The following IQCM variants were observed in gnomAD, a reference collection of about 807,000 sequenced individuals.
The protein encoded by IQCM is IQ motif containing M.
A neutral mutation model predicts 57.6 loss-of-function variants in IQCM; 45 were observed. The ratio of observed to expected loss-of-function variants is 0.78; its 90% confidence interval spans 0.62 to 1.00. The LOEUF (loss-of-function observed/expected upper bound fraction) is 1.00. Among genes scored for constraint, IQCM ranks in the 50% least tolerant of loss-of-function variants. The pLI, the probability that IQCM is intolerant of heterozygous loss-of-function variation, is 0.00. For missense variants in IQCM, 468 were observed against 511.6 expected (o/e 0.91, Z 0.82); for synonymous variants, 148 against 158.9 (o/e 0.93, Z 0.51).
chr4:149,468,248 G>C (rs1251348473), intron 12 of IQCM, among the ~76,000 whole-genome samples: 1 of 152,140 alleles, frequency 6.6e-6, no homozygotes, highest in Non-Finnish European at 1.5e-5. Flanking sequence ...ATGACCAACA[G>C]TACCTGGAAA....
rs1121797 is a variant in IQCM, at chr4:149,796,098, G to A, written c.-49+19213C>T. Among the ~76,000 whole-genome samples the A allele has an allele frequency of 1.2e-4, 18 of 152,276 alleles. No individual in the cohort carries two copies. The South Asian group carries it at 2.1e-3, about 18-fold the overall frequency. ...TTTGGCCACAAGGGTAGAGTACCAAGTGGGGCCATGAGGTATCCAATTCCA... is the reference window on the plus strand; with the variant it reads ...TTTGGCCACAAGGGTAGAGTACCAAATGGGGCCATGAGGTATCCAATTCCA... On this transcript the variant is annotated intron_variant, in intron 2 of 13. Transcript: ENST00000636793.
At chr4:149,640,977 A>C (rs1489732830) in intron 7 of IQCM, among the ~76,000 whole-genome samples, 10 of 152,118 alleles carry the variant, frequency 6.6e-5, no homozygotes, top group Non-Finnish European at 4.4e-5. Context: ...CAAAAATACA[A>C]AAATTAGCCG....
chr4:149,364,368 C>G (rs534842178), intron 13 of IQCM, among the ~76,000 whole-genome samples: 2 of 152,278 alleles, frequency 1.3e-5, no homozygotes, highest in Admixed American at 1.3e-4. Flanking sequence ...ATAAGGAGAG[C>G]TACTGATACT....
intron 13 of IQCM, among the ~76,000 whole-genome samples, chr4:149,417,627 A>G (rs1199749149): frequency 6.6e-6 from 1 of 152,126 alleles, no homozygotes; most frequent in Admixed American, 6.6e-5. Flanking sequence ...ACAGATTGGT[A>G]TATAAAACCA....
rs529972930 is a variant in IQCM at position 149,629,531 on chromosome 4, C to T, written c.566-8287G>A. 2.8e-3 allele frequency among the ~76,000 whole-genome samples: 423 copies of T among 151,986 alleles called. 1 individual carries two copies. The highest frequency in any genetic ancestry group is 4.6e-3 in the Non-Finnish European group (313 of 67,990). The stretch of plus-strand genomic sequence containing the variant: ...CTCTTCCTTATATCATGGGAACAGC[C>T]TCTGGGTGTTCCTATAAAGCTAGGT... On this transcript the variant is annotated intron_variant, in intron 7 of 13. Coordinates refer to ENST00000636793, the MANE Select transcript of IQCM (RefSeq NM_001363507.2).
At chr4:149,528,093 C>G (rs1253748443) in intron 12 of IQCM, among the ~76,000 whole-genome samples, 1 of 151,624 alleles carries the variant, frequency 6.6e-6, no homozygotes, top group East Asian at 2.0e-4. Flanking sequence ...TCAAGTGATT[C>G]TCGTGCCGCA....
At chr4:149,797,618 T>C (rs76274831) in intron 2 of IQCM, among the ~76,000 whole-genome samples, 290 of 151,920 alleles carry the variant, frequency 1.9e-3, no homozygotes, top group Middle Eastern at 6.8e-3. Context: ...AGAAGACTAC[T>C]TCAAGGCATT....
At chr4:149,803,914 T>C (rs1773844684) in intron 2 of IQCM, among the ~76,000 whole-genome samples, 1 of 151,974 alleles carries the variant, frequency 6.6e-6, no homozygotes, top group Non-Finnish European at 1.5e-5. Flanking sequence ...TATAATCTTC[T>C]GAGGGTCTCA....
chr4:149,516,138 G>A (rs2149818749), intron 12 of IQCM, among the ~76,000 whole-genome samples: 1 of 152,296 alleles, frequency 6.6e-6, no homozygotes, highest in East Asian at 1.9e-4. Flanking sequence ...TTTGCCAACA[G>A]CAGAGACCAA....
At chr4:149,494,591 C>T (rs1007331789) in intron 12 of IQCM, among the ~76,000 whole-genome samples, 1 of 152,072 alleles carries the variant, frequency 6.6e-6, no homozygotes, top group Non-Finnish European at 1.5e-5. Flanking sequence ...AATTATAATA[C>T]CTCAGTCCAG....
chr4:149,374,682 T>C (rs1730585499), intron 13 of IQCM, among the ~76,000 whole-genome samples: 1 of 152,136 alleles, frequency 6.6e-6, no homozygotes, highest in Admixed American at 6.6e-5. Flanking sequence ...GTTTTGTTTG[T>C]TTGCTTTCCT....
At chr4:149,592,348 T>G (rs544567795) in intron 8 of IQCM, among the ~76,000 whole-genome samples, 97 of 152,344 alleles carry the variant, frequency 6.4e-4, no homozygotes, top group African/African-American at 2.1e-3. Flanking sequence ...TTGTAAATTA[T>G]GGATATTAGC....
At chr4:149,505,127 T>C (rs1743659963) in intron 12 of IQCM, among the ~76,000 whole-genome samples, 1 of 152,112 alleles carries the variant, frequency 6.6e-6, no homozygotes, top group African/African-American at 2.4e-5. Context: ...GTGTTACACA[T>C]GGCAGCTCAG....
chr4:149,641,423 C>A (rs1758182719), intron 7 of IQCM, among the ~76,000 whole-genome samples: 3 of 151,924 alleles, frequency 2.0e-5, no homozygotes, highest in Admixed American at 1.3e-4. Context: ...TAATGTCCTA[C>A]AAATTAATTG....
chr4:149,622,993 C>A (rs1343681831), intron 7 of IQCM, among the ~76,000 whole-genome samples: 1 of 152,100 alleles, frequency 6.6e-6, no homozygotes, highest in Non-Finnish European at 1.5e-5. Flanking sequence ...AATAAGGTAG[C>A]TATGTAAATA....
intron 8 of IQCM, among the ~76,000 whole-genome samples, chr4:149,593,278 A>C (rs1021802216): frequency 2.0e-5 from 3 of 152,034 alleles, no homozygotes; most frequent in African/African-American, 7.3e-5. Flanking sequence ...GGTGTATAGG[A>C]ATGCTTGTGA....
chr4:149,771,748 G>C (rs983327362), intron 2 of IQCM, among the ~76,000 whole-genome samples: 1 of 152,072 alleles, frequency 6.6e-6, no homozygotes, highest in Non-Finnish European at 1.5e-5. Context: ...TTCATAAACA[G>C]ATTCTGATGA....
intron 13 of IQCM, among the ~76,000 whole-genome samples, chr4:149,371,861 C>T (rs1730390597): frequency 6.6e-6 from 1 of 152,134 alleles, no homozygotes; most frequent in Admixed American, 6.6e-5. Context: ...CATTTCTCTG[C>T]TTCTAAGGAT....
intron 8 of IQCM, among the ~76,000 whole-genome samples, chr4:149,595,126 A>C (rs1209654483): frequency 6.6e-6 from 1 of 152,116 alleles, no homozygotes; most frequent in East Asian, 1.9e-4. Flanking sequence ...TTGCTTTATG[A>C]ATCTGGGTGC....
Sources: gnomAD v4.1 joint callset for allele counts (sites outside exome capture counted in the v4.1 genomes callset) on GRCh38, gnomAD v4.1.1 for gene constraint, MANE v1.5 for transcripts, NCBI Gene and HGNC (gene_info 2026-07-23, HGNC 2026-07-21) for gene names.